The following KAT6B variants were observed in gnomAD, a reference collection of about 807,000 sequenced individuals.
KAT6B encodes histone acetyltransferase KAT6B.
Under a neutral mutation model 187.5 loss-of-function variants are expected in KAT6B, and 10 were observed. That is an observed-to-expected ratio of 0.05 (90% CI 0.03 to 0.09). KAT6B has a LOEUF of 0.09. Ranked by LOEUF, KAT6B falls within the 10% of genes least tolerant of loss-of-function variation. The pLI is 1.00. For synonymous variants in KAT6B, 861 were observed against 926.8 expected (o/e 0.93, Z 1.29); for missense variants, 1,952 against 2,558.9 (o/e 0.76, Z 5.12).
intron 3 of KAT6B, among the ~76,000 whole-genome samples, chr10:74,930,876 A>G (rs1000168156): frequency 2.0e-5 from 3 of 152,018 alleles, no homozygotes; most frequent in African/African-American, 7.2e-5. Context: ...GACCTTTTAC[A>G]GTTTTTTTCA....
At chr10:74,948,643 T>G (rs1430818658) in intron 3 of KAT6B, among the ~76,000 whole-genome samples, 2 of 152,246 alleles carry the variant, frequency 1.3e-5, no homozygotes, top group Admixed American at 1.3e-4. Context: ...TAAATTAAAA[T>G]GAATGCCTTG....
At chr10:74,993,230 G>A (rs1403576724) in intron 13 of KAT6B, among the ~76,000 whole-genome samples, 2 of 152,090 alleles carry the variant, frequency 1.3e-5, no homozygotes, top group Non-Finnish European at 2.9e-5. Flanking sequence ...CTGCTGCTGG[G>A]GCTGCCCAGC....
chr10:74,846,854 G>A (rs1589460247), intron 3 of KAT6B, among the ~76,000 whole-genome samples: 2 of 152,268 alleles, frequency 1.3e-5, no homozygotes, highest in East Asian at 1.9e-4. Flanking sequence ...ACTACCCTAA[G>A]GTATGTTAAG....
At chr10:75,011,447 T>TGG (rs1844599973) in intron 13 of KAT6B, among the ~76,000 whole-genome samples, 1 of 152,224 alleles carries the variant, frequency 6.6e-6, no homozygotes, top group African/African-American at 2.4e-5. Flanking sequence ...AAAGTGCCTC[T>TGG]GGGTCACAAA....
intron 13 of KAT6B, among the ~76,000 whole-genome samples, chr10:75,004,967 G>A (rs185088538): frequency 5.3e-5 from 8 of 151,696 alleles, no homozygotes; most frequent in Non-Finnish European, 4.4e-5. Context: ...CTCCTGCCTC[G>A]GCCTCCCAAG....
chr10:74,960,623 T>TA (rs1449455290), intron 4 of KAT6B, among the ~76,000 whole-genome samples: 1 of 152,030 alleles, frequency 6.6e-6, no homozygotes, highest in Non-Finnish European at 1.5e-5. Context: ...AGTCTTGAGA[T>TA]ATACTGGCTA....
At chr10:75,004,130 T>C (rs181862264) in intron 13 of KAT6B, among the ~76,000 whole-genome samples, 1 of 152,290 alleles carries the variant, frequency 6.6e-6, no homozygotes, top group African/African-American at 2.4e-5. Flanking sequence ...TTGAGTTATT[T>C]TGAAATCCAC....
chr10:74,828,856 C>T (rs1466111018), intron 1 of KAT6B, among the ~76,000 whole-genome samples: 4 of 151,848 alleles, frequency 2.6e-5, no homozygotes, highest in Non-Finnish European at 5.9e-5. Context: ...CGTGAGCCAC[C>T]GCGCCCGGCC....
Position 75,029,625 on chromosome 10 carries a change from T to G in KAT6B, c.4801T>G (p.Ser1601Ala). The change falls in exon 18 of 18, where the codon TCA (serine) becomes GCA (alanine). Residue 1601 changes from serine (S) to alanine (A), a missense_variant. Transcript: ENST00000287239. The surrounding 1 kb of genome is among the most constrained non-coding windows in gnomAD (Gnocchi z 6.2). ...ACAGTCGGACCACAGTAGCCCAGTTTCATCCGTCCACTCCCATCCTGGCCA... is the reference window on the plus strand; with the variant it reads ...ACAGTCGGACCACAGTAGCCCAGTTGCATCCGTCCACTCCCATCCTGGCCA... Reference protein sequence around the residue: ...CQQSDHSSPVSSVHSHPGQSV... With the variant: ...CQQSDHSSPVASVHSHPGQSV... 2 of 1,614,120 alleles carry G rather than the reference T, an allele frequency of 1.2e-6. No individual in the cohort carries two copies. The highest frequency in any genetic ancestry group is 1.7e-6 in the Non-Finnish European group (2 of 1,180,024).
At chr10:74,878,947 G>A (rs1027167305) in intron 3 of KAT6B, among the ~76,000 whole-genome samples, 2 of 152,172 alleles carry the variant, frequency 1.3e-5, no homozygotes, top group Non-Finnish European at 2.9e-5. Flanking sequence ...TTCCCACAGG[G>A]GAAAGAGGGA....
At chr10:74,953,599 TG>T (rs1840468523) in intron 3 of KAT6B, among the ~76,000 whole-genome samples, 1 of 152,180 alleles carries the variant, frequency 6.6e-6, no homozygotes, top group Admixed American at 6.5e-5. Context: ...ATTACTAAAA[TG>T]GTATGTTTTT....
At chr10:74,933,261 T>C (rs542317114) in intron 3 of KAT6B, among the ~76,000 whole-genome samples, 1 of 152,220 alleles carries the variant, frequency 6.6e-6, no homozygotes, top group Non-Finnish European at 1.5e-5. Context: ...AAAAAAGAGA[T>C]AGCCTAGACA....
At position 74,844,487 on chromosome 10, in the gene KAT6B, C is replaced by G. The variant is rs144446987; in HGVS notation, c.621+1009C>G. On this transcript the variant is annotated intron_variant, in intron 3 of 17. Transcript: ENST00000287239. ...GTGTTGGGATTACAGGCGTGAGACA[C>G]CATGCCTGGCTGATAATCTATGCAT... 7.1e-3 allele frequency among the ~76,000 whole-genome samples: 1,077 copies of G among 152,348 alleles called. 7 individuals carry two copies. Among genetic ancestry groups the G allele is most frequent in the Non-Finnish European group, 0.012 (799 of 68,032 alleles).
chr10:74,955,398 C>A (rs1303817716), intron 3 of KAT6B, among the ~76,000 whole-genome samples: 2 of 121,564 alleles, frequency 1.6e-5, no homozygotes, highest in African/African-American at 5.9e-5. Flanking sequence ...CCCCCCCCAA[C>A]TTTTTGTTTG....
At chr10:74,997,973 G>T (rs969662608) in intron 13 of KAT6B, among the ~76,000 whole-genome samples, 1 of 152,096 alleles carries the variant, frequency 6.6e-6, no homozygotes, top group South Asian at 2.1e-4. Flanking sequence ...ATAGCCGGGC[G>T]TGGTGATGGG....
At chr10:75,027,049 G>A (rs1845904333) in intron 17 of KAT6B, among the ~76,000 whole-genome samples, 1 of 152,186 alleles carries the variant, frequency 6.6e-6, no homozygotes, top group Admixed American at 6.5e-5. Flanking sequence ...TGAGGCAGGA[G>A]AATCGCTTGA....
At chr10:74,829,103 C>T (rs966708586) in intron 1 of KAT6B, among the ~76,000 whole-genome samples, 1 of 151,834 alleles carries the variant, frequency 6.6e-6, no homozygotes, top group Admixed American at 6.6e-5. Context: ...ATGACACGGT[C>T]GGCAGAGGAA....
intron 3 of KAT6B, among the ~76,000 whole-genome samples, chr10:74,903,856 AG>A (rs1414771004): frequency 1.3e-5 from 2 of 152,220 alleles, no homozygotes; most frequent in Non-Finnish European, 2.9e-5. Flanking sequence ...GCTGTCTCTC[AG>A]GGGTAGACTT....
chr10:74,927,572 C>T (rs545140275), intron 3 of KAT6B, among the ~76,000 whole-genome samples: 8 of 149,970 alleles, frequency 5.3e-5, no homozygotes, highest in African/African-American at 1.5e-4. Flanking sequence ...TAGTGAAGGG[C>T]TAGGTTATTG....
Sources: gnomAD v4.1 joint callset for allele counts (sites outside exome capture counted in the v4.1 genomes callset) on GRCh38, gnomAD v4.1.1 for gene constraint, Gnocchi (gnomAD v3.1) non-coding constraint, MANE v1.5 for transcripts, NCBI Gene and HGNC (gene_info 2026-07-23, HGNC 2026-07-21) for gene names.